SYT1: variants seen among roughly 807,000 people sequenced by gnomAD.
The protein encoded by SYT1 is synaptotagmin 1, also known as synaptotagmin-1.
Under a neutral mutation model 44.8 loss-of-function variants are expected in SYT1, and 8 were observed. That is an observed-to-expected ratio of 0.18 (90% confidence interval 0.10 to 0.32). The LOEUF (loss-of-function observed/expected upper bound fraction) is 0.32. Among genes scored for constraint, SYT1 ranks in the 10% least tolerant of loss-of-function variants. The pLI, the probability that SYT1 is intolerant of heterozygous loss-of-function variation, is 1.00. For synonymous variants in SYT1, 154 were observed against 188.8 expected, an observed-to-expected ratio of 0.82 and a Z score of 1.51; for missense variants, 286 against 509.3, an observed-to-expected ratio of 0.56 and a Z score of 4.22.
At chr12:78,901,316 T>C (rs374241809) in intron 1 of SYT1, among the ~76,000 whole-genome samples, 2 of 152,144 alleles carry the variant, frequency 1.3e-5, no homozygotes, top group Non-Finnish European at 2.9e-5. Context: ...CCATGAATGA[T>C]GAAGATTAGT....
chr12:79,116,712 A>T (rs1433385548), intron 3 of SYT1, among the ~76,000 whole-genome samples: 2 of 152,204 alleles, frequency 1.3e-5, no homozygotes, highest in African/African-American at 4.8e-5. Context: ...GAATTCTCAT[A>T]GTATGCTATA....
At chr12:79,424,758 T>G (rs1380877462) in intron 9 of SYT1, among the ~76,000 whole-genome samples, 1 of 152,060 alleles carries the variant, frequency 6.6e-6, no homozygotes, top group Non-Finnish European at 1.5e-5. Context: ...CATGAAATAT[T>G]CTCTTAACTT....
intron 8 of SYT1, among the ~76,000 whole-genome samples, chr12:79,340,475 T>A (rs1882316578): frequency 6.6e-6 from 1 of 152,186 alleles, no homozygotes. Context: ...TCTGTTTGTC[T>A]GTTATTGGTG....
At chr12:79,287,694 T>G (rs561241475) in intron 5 of SYT1, among the ~76,000 whole-genome samples, 6 of 152,148 alleles carry the variant, frequency 3.9e-5, no homozygotes, top group Non-Finnish European at 8.8e-5. Context: ...ATCTATAATA[T>G]TTGTGGGATT....
intron 8 of SYT1, among the ~76,000 whole-genome samples, chr12:79,342,927 C>T (rs779140976): frequency 6.6e-6 from 1 of 152,152 alleles, no homozygotes; most frequent in Non-Finnish European, 1.5e-5. Context: ...ACTAGAGATA[C>T]AAACTGGAGA....
At chr12:79,257,329 G>A (rs1421849904) in intron 4 of SYT1, among the ~76,000 whole-genome samples, 1 of 152,194 alleles carries the variant, frequency 6.6e-6, no homozygotes, top group East Asian at 1.9e-4. Flanking sequence ...TAAATGATAT[G>A]TTTGTCGCAC....
chr12:79,250,624 G>A (rs1014614325), intron 4 of SYT1, among the ~76,000 whole-genome samples: 6 of 152,094 alleles, frequency 3.9e-5, no homozygotes, highest in African/African-American at 1.2e-4. Context: ...TCCAATTCTG[G>A]TCATTTTGTT....
chr12:79,417,875 T>C (rs1249138060), intron 9 of SYT1, among the ~76,000 whole-genome samples: 2 of 151,900 alleles, frequency 1.3e-5, no homozygotes, highest in African/African-American at 2.4e-5. Flanking sequence ...CTGAGAATCT[T>C]GTTAAAAAGA....
intron 4 of SYT1, among the ~76,000 whole-genome samples, chr12:79,226,398 G>T (rs539385568): frequency 1.3e-5 from 2 of 152,140 alleles, no homozygotes; most frequent in African/African-American, 4.8e-5. Flanking sequence ...CTTCTCTTGG[G>T]TAATCTCATC....
chr12:79,215,994 C>T (rs1874777445), intron 3 of SYT1, among the ~76,000 whole-genome samples: 2 of 128,258 alleles, frequency 1.6e-5, no homozygotes, highest in African/African-American at 5.9e-5. Flanking sequence ...TGCAGTAGCA[C>T]AATCTTGGCT....
intron 3 of SYT1, among the ~76,000 whole-genome samples, chr12:79,131,483 T>C (rs1868819655): frequency 6.6e-6 from 1 of 152,192 alleles, no homozygotes; most frequent in Non-Finnish European, 1.5e-5. Context: ...AGAGATGATG[T>C]ACTTTAGGGA....
chr12:79,048,554 A>T (rs1279022246), intron 3 of SYT1, among the ~76,000 whole-genome samples: 1 of 151,916 alleles, frequency 6.6e-6, no homozygotes, highest in Non-Finnish European at 1.5e-5. Context: ...GCACTCTGCC[A>T]CTTACTTTTT....
intron 1 of SYT1, among the ~76,000 whole-genome samples, chr12:78,947,522 TA>T (rs71441942): frequency 6.5e-4 from 93 of 142,594 alleles, no homozygotes; most frequent in Non-Finnish European, 7.9e-4. Flanking sequence ...TTGAATCTAG[TA>T]AAAAAAAAAA....
intron 3 of SYT1, among the ~76,000 whole-genome samples, chr12:79,089,643 T>C (rs1237184842): frequency 6.6e-6 from 1 of 152,020 alleles, no homozygotes; most frequent in East Asian, 1.9e-4. Context: ...CAAGGCCCTA[T>C]ATCTGTCTTA....
At chr12:79,001,413 C>T (rs960750821) in intron 2 of SYT1, among the ~76,000 whole-genome samples, 1 of 152,130 alleles carries the variant, frequency 6.6e-6, no homozygotes, top group African/African-American at 2.4e-5. Context: ...GTAGTTTTCT[C>T]TTCCTTTAGG....
intron 2 of SYT1, among the ~76,000 whole-genome samples, chr12:79,041,383 G>A (rs1189351632): frequency 6.6e-6 from 1 of 152,074 alleles, no homozygotes; most frequent in Non-Finnish European, 1.5e-5. Context: ...TCTCTTTGAA[G>A]CAATTGTGAA....
chr12:79,243,538 G>A (rs979974692), intron 4 of SYT1, among the ~76,000 whole-genome samples: 9 of 152,148 alleles, frequency 5.9e-5, no homozygotes, highest in East Asian at 3.9e-4. Flanking sequence ...TAAAGCAATC[G>A]AAATCGAATC....
chr12:79,440,918 T>C (rs1277004939), intron 9 of SYT1, among the ~76,000 whole-genome samples: 2 of 152,038 alleles, frequency 1.3e-5, no homozygotes, highest in South Asian at 4.2e-4. Flanking sequence ...AAGCAAGAGA[T>C]TAGGGATATC....
chr12:78,950,196 C>T (rs571529169), intron 1 of SYT1, among the ~76,000 whole-genome samples: 2 of 152,100 alleles, frequency 1.3e-5, no homozygotes, highest in Admixed American at 6.6e-5. Flanking sequence ...TTGCTATAGA[C>T]TAGATTTTCA....
Sources: allele counts gnomAD v4.1 joint callset (sites outside exome capture counted in the v4.1 genomes callset), GRCh38; gene constraint gnomAD v4.1.1; transcripts MANE v1.5; gene names NCBI Gene and HGNC (gene_info 2026-07-23, HGNC 2026-07-21).